The following FGF12 variants were observed in gnomAD, a reference collection of about 807,000 sequenced individuals.
FGF12 encodes the protein fibroblast growth factor 12.
FGF12 carries 14 observed loss-of-function variants against 23.6 expected under a neutral mutation model. That is an observed-to-expected ratio of 0.59 (90% CI 0.39 to 0.93). FGF12 has a LOEUF of 0.93. Among genes scored for constraint, FGF12 ranks in the 40% least tolerant of loss-of-function variants. FGF12 has a pLI of 0.00. For synonymous variants in FGF12, 62 were observed against 77.3 expected, an observed-to-expected ratio of 0.80 and a Z score of 1.04; for missense variants, 175 against 217.8, an observed-to-expected ratio of 0.80 and a Z score of 1.24.
At chr3:192,174,587 C>T (rs1715754084) in intron 4 of FGF12, among the ~76,000 whole-genome samples, 1 of 152,120 alleles carries the variant, frequency 6.6e-6, no homozygotes, top group South Asian at 2.1e-4. Context: ...CTTAATGGCA[C>T]TGAACCAGCT....
chr3:192,715,729 C>T (rs1718845831), intron 2 of FGF12, among the ~76,000 whole-genome samples: 1 of 152,230 alleles, frequency 6.6e-6, no homozygotes, highest in South Asian at 2.1e-4. Flanking sequence ...TGCCAGCTGT[C>T]AGTTCTTCCT....
chr3:192,207,703 C>T (rs541600136), intron 4 of FGF12, among the ~76,000 whole-genome samples: 47 of 152,222 alleles, frequency 3.1e-4, no homozygotes, highest in Admixed American at 2.9e-3. Context: ...AGATCTGCAA[C>T]GGGGATCCAG....
At chr3:192,197,389 G>A (rs9819966) in intron 4 of FGF12, among the ~76,000 whole-genome samples, 4,702 of 152,174 alleles carry the variant, frequency 0.031, 258 homozygotes, top group African/African-American at 0.11. Context: ...CGAAGTCTGC[G>A]TTATATGAAA....
chr3:192,267,071 A>G (rs1267762095), intron 4 of FGF12: 1 of 152,192 alleles, frequency 6.6e-6, no homozygotes, highest in Non-Finnish European at 1.5e-5. Context: ...ATTACATGAA[A>G]TCTAAAAGAT....
chr3:192,565,795 C>CG (rs1712249549), intron 2 of FGF12, among the ~76,000 whole-genome samples: 1 of 152,112 alleles, frequency 6.6e-6, no homozygotes, highest in Non-Finnish European at 1.5e-5. Flanking sequence ...CATTAAGAGA[C>CG]GCATGACTGG....
At chr3:192,176,764 G>T (rs1715885177) in intron 4 of FGF12, among the ~76,000 whole-genome samples, 1 of 152,072 alleles carries the variant, frequency 6.6e-6, no homozygotes, top group Non-Finnish European at 1.5e-5. Context: ...ATGATGTATG[G>T]TAAGTTTAAT....
At chr3:192,374,840 C>T (rs1242279965) in intron 2 of FGF12, among the ~76,000 whole-genome samples, 1 of 152,188 alleles carries the variant, frequency 6.6e-6, no homozygotes, top group Non-Finnish European at 1.5e-5. Flanking sequence ...ATTCTCACTG[C>T]CTCTCAACCA....
At chr3:192,432,630 A>AG (rs1489184842) in intron 2 of FGF12, among the ~76,000 whole-genome samples, 1 of 150,946 alleles carries the variant, frequency 6.6e-6, no homozygotes, top group African/African-American at 2.4e-5. Flanking sequence ...CAAAAAAAAA[A>AG]AAAAAAAAAA....
chr3:192,332,536 C>G (rs1229910015), intron 4 of FGF12, among the ~76,000 whole-genome samples: 1 of 151,928 alleles, frequency 6.6e-6, no homozygotes, highest in Non-Finnish European at 1.5e-5. Context: ...TTCAGAACAA[C>G]TCTTAAAACT....
chr3:192,693,640 A>C (rs1413947044), intron 2 of FGF12, among the ~76,000 whole-genome samples: 2 of 152,174 alleles, frequency 1.3e-5, no homozygotes, highest in Non-Finnish European at 2.9e-5. Context: ...AAGGGGAAGA[A>C]AATACAATGA....
intron 2 of FGF12, among the ~76,000 whole-genome samples, chr3:192,634,026 A>G (rs1715491484): frequency 6.6e-6 from 1 of 152,232 alleles, no homozygotes; most frequent in Non-Finnish European, 1.5e-5. Flanking sequence ...CTAAAGGCCC[A>G]GTGCAGATAT....
intron 3 of FGF12, among the ~76,000 whole-genome samples, chr3:192,346,342 T>C (rs1489240215): frequency 6.6e-6 from 1 of 152,200 alleles, no homozygotes; most frequent in Non-Finnish European, 1.5e-5. Context: ...GGGAGCTTTC[T>C]CCACTTCCTG....
At chr3:192,263,103 T>C (rs763179075) in intron 4 of FGF12, among the ~76,000 whole-genome samples, 9 of 152,080 alleles carry the variant, frequency 5.9e-5, no homozygotes, top group Non-Finnish European at 1.3e-4. Flanking sequence ...TTTTCTACTC[T>C]GTACATTCCC....
At chr3:192,371,981 C>G (rs1354878596) in intron 2 of FGF12, among the ~76,000 whole-genome samples, 5 of 152,106 alleles carry the variant, frequency 3.3e-5, no homozygotes, top group African/African-American at 9.7e-5. Flanking sequence ...GAATAAAAAG[C>G]AAACACTAAA....
intron 4 of FGF12, among the ~76,000 whole-genome samples, chr3:192,235,422 C>A (rs979922707): frequency 2.0e-5 from 3 of 152,160 alleles, no homozygotes; most frequent in Non-Finnish European, 4.4e-5. Flanking sequence ...ATTCTCCTGC[C>A]TTAGCCTCCT....
intron 2 of FGF12, among the ~76,000 whole-genome samples, chr3:192,398,331 G>A (rs562226400): frequency 3.0e-4 from 46 of 152,142 alleles, no homozygotes; most frequent in Admixed American, 5.2e-4. Context: ...CTGGGGTGAG[G>A]GGAGCTACAG....
At chr3:192,407,774 T>G (rs1253053900) in intron 2 of FGF12, among the ~76,000 whole-genome samples, 2 of 152,166 alleles carry the variant, frequency 1.3e-5, no homozygotes, top group African/African-American at 4.8e-5. Context: ...TCTTTTGGAA[T>G]AAGTGCATCT....
At chr3:192,636,502 A>T (rs1410518633) in intron 2 of FGF12, among the ~76,000 whole-genome samples, 1 of 152,212 alleles carries the variant, frequency 6.6e-6, no homozygotes, top group Non-Finnish European at 1.5e-5. Context: ...CTTAACAAAT[A>T]GTTTCATAAA....
intron 5 of FGF12, among the ~76,000 whole-genome samples, chr3:192,155,118 A>C (rs1451871431): frequency 6.8e-6 from 1 of 146,966 alleles, no homozygotes; most frequent in African/African-American, 2.5e-5. Flanking sequence ...CGGAAAGGGA[A>C]CTCCCTGCCC....
Sources: allele counts gnomAD v4.1 joint callset (sites outside exome capture counted in the v4.1 genomes callset), GRCh38; gene constraint gnomAD v4.1.1; transcripts MANE v1.5; gene names NCBI Gene and HGNC (gene_info 2026-07-23, HGNC 2026-07-21).